The following ITFG1 variants were observed in gnomAD, a reference collection of about 807,000 sequenced individuals.
The protein encoded by ITFG1 is T-cell immunomodulatory protein.
In ITFG1, 34 loss-of-function variants were observed where a neutral mutation model predicts 81.8. That is an observed-to-expected ratio of 0.42 (90% CI 0.32 to 0.55). The LOEUF (loss-of-function observed/expected upper bound fraction) is 0.55. Ranked by LOEUF, ITFG1 falls within the 20% of genes least tolerant of loss-of-function variation. The pLI is 0.17. For synonymous variants in ITFG1, 285 were observed against 270.6 expected (o/e 1.05, Z -0.52); for missense variants, 672 against 755.4 (o/e 0.89, Z 1.29).
At chr16:47,274,944 T>A (rs1966382134) in intron 10 of ITFG1, among the ~76,000 whole-genome samples, 1 of 152,120 alleles carries the variant, frequency 6.6e-6, no homozygotes, top group Non-Finnish European at 1.5e-5. Flanking sequence ...TCAAACTCTG[T>A]AGTATGTAAA....
chr16:47,371,623 G>A (rs1010231703), intron 7 of ITFG1, among the ~76,000 whole-genome samples: 3 of 152,264 alleles, frequency 2.0e-5, no homozygotes, highest in East Asian at 1.9e-4. Flanking sequence ...GAAGCAGTAT[G>A]TAATGATGAC....
At chr16:47,238,224 T>C in intron 12 of ITFG1, 1 of 436,564 alleles carries the variant, frequency 2.3e-6, no homozygotes, top group Non-Finnish European at 4.1e-6. Flanking sequence ...TGCTACTATT[T>C]TGTGAACTAT....
At chr16:47,248,009 C>T (rs532293825) in intron 12 of ITFG1, among the ~76,000 whole-genome samples, 18 of 152,270 alleles carry the variant, frequency 1.2e-4, no homozygotes, top group African/African-American at 3.4e-4. Flanking sequence ...TAATTTTCTG[C>T]ATTCTCTTTT....
chr16:47,237,121 C>T (rs1424173078), intron 13 of ITFG1, among the ~76,000 whole-genome samples: 1 of 152,200 alleles, frequency 6.6e-6, no homozygotes, highest in Non-Finnish European at 1.5e-5. Context: ...AGAGGTGTTG[C>T]CCCCAGTTTG....
chr16:47,272,585 G>A (rs1966354645), intron 10 of ITFG1, among the ~76,000 whole-genome samples: 1 of 152,024 alleles, frequency 6.6e-6, no homozygotes, highest in Non-Finnish European at 1.5e-5. Flanking sequence ...TAGTAGAGAT[G>A]GGGTTTCACC....
intron 8 of ITFG1, among the ~76,000 whole-genome samples, chr16:47,337,071 G>C (rs1367888505): frequency 6.6e-6 from 1 of 150,712 alleles, no homozygotes; most frequent in African/African-American, 2.4e-5. Context: ...CAGGGAGGCG[G>C]GGGTTGCAGT....
Position 47,162,521 on chromosome 16 carries a change from A to G in ITFG1, c.1578+19T>C. ...ATTAAAACATAGATTAATTGTAAAC[A>G]AAATGAATTTTTACTCACTTTTTCT... On this transcript the variant is annotated intron_variant, in intron 15 of 17. Transcript: ENST00000320640. 1 of 1,578,196 alleles carries G rather than the reference A, an allele frequency of 6.3e-7. No homozygotes were observed. The highest frequency in any genetic ancestry group is 8.6e-7 in the Non-Finnish European group (1 of 1,158,140).
At chr16:47,401,729 T>C (rs1225935411) in intron 6 of ITFG1, among the ~76,000 whole-genome samples, 1 of 152,140 alleles carries the variant, frequency 6.6e-6, no homozygotes, top group Non-Finnish European at 1.5e-5. Flanking sequence ...AAGCACTCTT[T>C]ATGTGTTTGA....
intron 8 of ITFG1, among the ~76,000 whole-genome samples, chr16:47,344,482 G>A (rs1967825118): frequency 6.6e-6 from 1 of 152,108 alleles, no homozygotes; most frequent in Non-Finnish European, 1.5e-5. Context: ...AGACTTTTAT[G>A]ATATGTAAAT....
chr16:47,430,605 A>G (rs1325021550), intron 5 of ITFG1, among the ~76,000 whole-genome samples: 3 of 152,166 alleles, frequency 2.0e-5, no homozygotes, highest in African/African-American at 7.2e-5. Context: ...AGGTTTTCTA[A>G]TATTGTGGAA....
chr16:47,237,967 T>G lies in ITFG1; in HGVS notation c.1372A>C (p.Thr458Pro). 7.1e-7 allele frequency: 1 copy of G among 1,407,066 alleles called. No individual in the cohort carries two copies. The highest frequency in any genetic ancestry group is 2.5e-5 in the East Asian group (1 of 40,722). The allele number at this position is 1,407,066 out of a possible 1,614,324, so 87.2% of individuals were successfully genotyped here. The change falls in exon 13 of 18, where the codon ACA becomes CCA. Residue 458 changes from threonine to proline, a missense_variant and splice_region_variant. Thr to Pro is a conservative substitution (Grantham distance 38). Coordinates refer to ENST00000320640, the MANE Select transcript of ITFG1 (RefSeq NM_030790.5). ...ATAACAGATATAAATTTACTTACTG[T>G]TATCTTACGAGGACAGTCATTAGAA... ...LCSNDCPRKI[T>P]PFGVNQPGPY...
At chr16:47,349,652 G>C (rs879325655) in intron 8 of ITFG1, among the ~76,000 whole-genome samples, 1 of 152,228 alleles carries the variant, frequency 6.6e-6, no homozygotes, top group East Asian at 1.9e-4. Context: ...ACAGATCAAT[G>C]AGAGAGAAAG....
intron 10 of ITFG1, among the ~76,000 whole-genome samples, chr16:47,296,442 T>G (rs970719480): frequency 6.6e-6 from 1 of 152,052 alleles, no homozygotes; most frequent in African/African-American, 2.4e-5. Flanking sequence ...CAGTTTCTTG[T>G]TTTGTTTCTT....
At position 47,433,468 on chromosome 16, in the gene ITFG1, T is replaced by C. The variant is rs78390904; in HGVS notation, c.561-4570A>G. ...AATTTTCCCAAATTGCTTCACTCAC[T>C]CTGGTTTCCTTCCTGGCGCCTAACA... On this transcript the variant is annotated intron_variant, in intron 5 of 17. Coordinates refer to ENST00000320640, the MANE Select transcript of ITFG1 (RefSeq NM_030790.5). Among the ~76,000 whole-genome samples the C allele has an allele frequency of 3.9e-5, 6 of 152,270 alleles. No individual in the cohort carries two copies. The East Asian group carries it at 1.2e-3, about 29-fold the overall frequency.
chr16:47,312,661 C>A (rs539391147), intron 9 of ITFG1: 1 of 152,084 alleles, frequency 6.6e-6, no homozygotes, highest in Non-Finnish European at 1.5e-5. Context: ...TCACAAAATG[C>A]CACGTTATCA....
intron 6 of ITFG1, among the ~76,000 whole-genome samples, chr16:47,404,107 G>T (rs1213555400): frequency 6.6e-6 from 1 of 152,090 alleles, no homozygotes; most frequent in Non-Finnish European, 1.5e-5. Context: ...TGGAAAAATA[G>T]TCTATCAAGA....
At chr16:47,338,456 A>AC (rs1302483377) in intron 8 of ITFG1, among the ~76,000 whole-genome samples, 2 of 152,060 alleles carry the variant, frequency 1.3e-5, no homozygotes, top group African/African-American at 4.8e-5. Context: ...AAGAAAAAAA[A>AC]CCCTAGCAAA....
chr16:47,434,535 A>C (rs1411553397), intron 5 of ITFG1, among the ~76,000 whole-genome samples: 1 of 152,198 alleles, frequency 6.6e-6, no homozygotes, highest in African/African-American at 2.4e-5. Flanking sequence ...TGATTAATAA[A>C]AAGTCAAAAA....
At chr16:47,196,734 A>G (rs1596801186) in intron 14 of ITFG1, 1 of 152,532 alleles carries the variant, frequency 6.6e-6, no homozygotes, top group Non-Finnish European at 1.5e-5. Context: ...AGGCAGGTGG[A>G]TCACTTGAGG....
Sources: allele counts gnomAD v4.1 joint callset (sites outside exome capture counted in the v4.1 genomes callset), GRCh38; gene constraint gnomAD v4.1.1; transcripts MANE v1.5; gene names NCBI Gene and HGNC (gene_info 2026-07-23, HGNC 2026-07-21).